RFPL1: variants seen among roughly 807,000 people sequenced by gnomAD.
RFPL1 encodes ret finger protein like 1, also known as ret finger protein-like 1.
RFPL1 carries 6 observed loss-of-function variants against 9.6 expected under a neutral mutation model. The observed-to-expected ratio is 0.62, with a 90% CI of 0.34 to 1.23. The LOEUF (loss-of-function observed/expected upper bound fraction) is 1.23. Ranked by LOEUF, RFPL1 falls within the 50% of genes most tolerant of loss-of-function variation. RFPL1 has a pLI of 0.03. For missense variants in RFPL1, 352 were observed against 398.4 expected (o/e 0.88, Z 0.99); for synonymous variants, 145 against 149.4 (o/e 0.97, Z 0.22).
At chr22:29,412,875 C>T in the RFPL1 span, among the ~76,000 whole-genome samples, 12,981 of 152,050 alleles carry the variant, frequency 0.085, 659 homozygotes, top group East Asian at 0.23. Flanking sequence ...TTGCCCCTAC[C>T]TCTCTGCTCC....
chr22:29,391,964 G>A, the RFPL1 span, among the ~76,000 whole-genome samples: 2 of 152,354 alleles, frequency 1.3e-5, no homozygotes, highest in East Asian at 1.9e-4. Context: ...AAGTGTGACT[G>A]ATGCTGTGAG....
chr22:29,411,954 G>T, the RFPL1 span, among the ~76,000 whole-genome samples: 1 of 152,148 alleles, frequency 6.6e-6, no homozygotes, highest in African/African-American at 2.4e-5. Context: ...GATCTCAAGT[G>T]ATCCCCCCAC....
the RFPL1 span, among the ~76,000 whole-genome samples, chr22:29,390,582 T>TTTTATTTATTATTTATTTATTTA: frequency 6.8e-6 from 1 of 146,838 alleles, no homozygotes; most frequent in African/African-American, 2.5e-5. Flanking sequence ...CTTATTCCAT[T>TTTTATTTATTATTTATTTATTTA]TTTATTTATT....
At chr22:29,421,455 C>T in the RFPL1 span, among the ~76,000 whole-genome samples, 1 of 151,110 alleles carries the variant, frequency 6.6e-6, no homozygotes, top group South Asian at 2.1e-4. Flanking sequence ...ACAAAACCCA[C>T]CCCTGGGACT....
chr22:29,426,139 A>G, the RFPL1 span, among the ~76,000 whole-genome samples: 2 of 151,588 alleles, frequency 1.3e-5, no homozygotes, highest in Non-Finnish European at 2.9e-5. Context: ...CCTGGCTAAC[A>G]TGGCCAAACC....
chr22:29,414,813 T>C, the RFPL1 span, among the ~76,000 whole-genome samples: 202 of 151,766 alleles, frequency 1.3e-3, 2 homozygotes, highest in African/African-American at 4.7e-3. Flanking sequence ...GCTACCTTTT[T>C]GCTTTTTTTT....
the RFPL1 span, among the ~76,000 whole-genome samples, chr22:29,418,973 T>G: frequency 6.6e-6 from 1 of 152,224 alleles, no homozygotes; most frequent in African/African-American, 2.4e-5. Flanking sequence ...CCTGTCAGTG[T>G]CTGGGCTCGT....
the RFPL1 span, among the ~76,000 whole-genome samples, chr22:29,406,276 C>G: frequency 6.6e-6 from 1 of 151,756 alleles, no homozygotes; most frequent in Non-Finnish European, 1.5e-5. Context: ...CTATACACTA[C>G]CAAGTATCTG....
chr22:29,396,079 A>AAAGAG, the RFPL1 span, among the ~76,000 whole-genome samples: 1 of 151,766 alleles, frequency 6.6e-6, no homozygotes, highest in Non-Finnish European at 1.5e-5. Flanking sequence ...AAGATAAGAG[A>AAAGAG]AAAGAGAAGA....
At chr22:29,396,053 A>G in the RFPL1 span, among the ~76,000 whole-genome samples, 8 of 152,010 alleles carry the variant, frequency 5.3e-5, no homozygotes, top group Non-Finnish European at 1.2e-4. Flanking sequence ...AGAAGAGAAG[A>G]GAAGGAAGAG....
chr22:29,407,656 G>T, the RFPL1 span, among the ~76,000 whole-genome samples: 1 of 151,840 alleles, frequency 6.6e-6, no homozygotes, highest in Non-Finnish European at 1.5e-5. Flanking sequence ...TTAACAGTTA[G>T]CCCATTTCAT....
the RFPL1 span, among the ~76,000 whole-genome samples, chr22:29,425,891 T>C: frequency 6.6e-6 from 1 of 151,946 alleles, no homozygotes; most frequent in African/African-American, 2.4e-5. Flanking sequence ...AGACTTCATG[T>C]CAAAAAAAGA....
At chr22:29,435,907 T>C (rs1166116431), upstream of RFPL1, among the ~76,000 whole-genome samples, 1 of 152,194 alleles carries the variant, frequency 6.6e-6, no homozygotes, top group African/African-American at 2.4e-5. Context: ...AGTCTCAGCC[T>C]GGAGGACATT....
Position 29,439,450 on chromosome 22 carries a change from G to A in RFPL1, c.373+286G>A, listed in dbSNP as rs564337281. 74 of 411,206 alleles carry A rather than the reference G, an allele frequency of 1.8e-4. No homozygotes were observed. In the Middle Eastern group the frequency reaches 3.4e-3, roughly 19 times the overall value. The allele number at this position is 411,206 out of a possible 1,614,324, so 25.5% of individuals were successfully genotyped here. On this transcript the variant is annotated intron_variant, in intron 1 of 1. Transcript: ENST00000354373. ...AGATCGGGACCATCCTGGATAACAC[G>A]GTGAAACCCTGTCTCTACTAAAAAT...
the RFPL1 span, among the ~76,000 whole-genome samples, chr22:29,410,260 ATATATATATC>A: frequency 3.1e-5 from 4 of 130,036 alleles, no homozygotes; most frequent in East Asian, 9.4e-4. Flanking sequence ...ATATTTGTAG[ATATATATATC>A]TATATATATA....
chr22:29,427,318 T>A, the RFPL1 span, among the ~76,000 whole-genome samples: 21 of 152,318 alleles, frequency 1.4e-4, 1 homozygote, highest in Middle Eastern at 0.02. Flanking sequence ...AGGTGGGGGC[T>A]GAGCCACATG....
the RFPL1 span, among the ~76,000 whole-genome samples, chr22:29,420,647 T>TG: frequency 4.4e-5 from 6 of 135,976 alleles, 2 homozygotes; most frequent in Non-Finnish European, 9.6e-5. Context: ...TTTTTTTTTT[T>TG]TTTTTTTTTT....
At chr22:29,421,945 G>T in the RFPL1 span, among the ~76,000 whole-genome samples, 1 of 152,150 alleles carries the variant, frequency 6.6e-6, no homozygotes, top group African/African-American at 2.4e-5. Flanking sequence ...TACATGAAAT[G>T]CCTGATAAGG....
the RFPL1 span, among the ~76,000 whole-genome samples, chr22:29,421,228 C>T: frequency 6.6e-6 from 1 of 152,114 alleles, no homozygotes; most frequent in Non-Finnish European, 1.5e-5. Context: ...GCATTGAACC[C>T]AGGCATGTCT....
Sources: allele counts gnomAD v4.1 joint callset (sites outside exome capture counted in the v4.1 genomes callset), GRCh38; gene constraint gnomAD v4.1.1; transcripts MANE v1.5; gene names NCBI Gene and HGNC (gene_info 2026-07-23, HGNC 2026-07-21).